Variants in DNAJC1 observed in about 807,000 individuals in gnomAD.
DNAJC1 encodes the protein DnaJ heat shock protein family (Hsp40) member C1, also known as dnaJ homolog subfamily C member 1.
A neutral mutation model predicts 76.6 loss-of-function variants in DNAJC1; 58 were observed. The observed-to-expected ratio is 0.76, with a 90% CI of 0.61 to 0.94. The LOEUF is 0.94. Among genes scored for constraint, DNAJC1 ranks in the 40% least tolerant of loss-of-function variants. The pLI is 0.00. For synonymous variants in DNAJC1, 258 were observed against 267.9 expected (o/e 0.96, Z 0.36); for missense variants, 689 against 677.3 (o/e 1.02, Z -0.19).
chr10:21,855,946 CAG>C (rs1366816242), intron 8 of DNAJC1, among the ~76,000 whole-genome samples: 31 of 152,098 alleles, frequency 2.0e-4, no homozygotes, highest in African/African-American at 7.5e-4. Flanking sequence ...ATAAGACAGA[CAG>C]AATAACCTGA....
Position 21,849,292 on chromosome 10 carries a change from C to CAAAAAAAAAAAAA in DNAJC1, c.978+32977_978+32989dup, listed in dbSNP as rs33953332. Among the ~76,000 whole-genome samples, 5 of 35,862 alleles carry CAAAAAAAAAAAAA rather than the reference C, an allele frequency of 1.4e-4. 1 individual carries two copies. Among genetic ancestry groups the CAAAAAAAAAAAAA allele is most frequent in the East Asian group, 8.3e-4 (1 of 1,200 alleles). The allele number at this position is 35,862 out of a possible 152,430, so 23.5% of individuals were successfully genotyped here. ...TGGGTGACAGAGTGGGACTCCGCCT[C>CAAAAAAAAAAAAA]AAAAAAAAAAAAAAAAAAAAAAAAA... is the stretch of plus-strand genomic sequence containing the variant. On this transcript the variant is annotated intron_variant, in intron 8 of 11. Transcript: ENST00000376980.
intron 7 of DNAJC1, among the ~76,000 whole-genome samples, chr10:21,889,893 C>A (rs1042457274): frequency 6.6e-6 from 1 of 152,208 alleles, no homozygotes; most frequent in African/African-American, 2.4e-5. Context: ...TCCCACCACC[C>A]AGCATAAGAG....
At chr10:21,964,879 G>A (rs1438364179) in intron 1 of DNAJC1, among the ~76,000 whole-genome samples, 1 of 151,946 alleles carries the variant, frequency 6.6e-6, no homozygotes, top group Non-Finnish European at 1.5e-5. Context: ...TGCTGCTATG[G>A]AAAAGTCATC....
chr10:21,838,473 A>T (rs967231902), intron 8 of DNAJC1, among the ~76,000 whole-genome samples: 7 of 152,144 alleles, frequency 4.6e-5, no homozygotes, highest in African/African-American at 1.4e-4. Context: ...GTACCCAGGG[A>T]CACAAACACT....
chr10:21,972,025 A>G (rs979136290), intron 1 of DNAJC1, among the ~76,000 whole-genome samples: 3 of 151,912 alleles, frequency 2.0e-5, no homozygotes, highest in African/African-American at 7.2e-5. Context: ...AAAATTAAAA[A>G]CTACATTCTA....
intron 1 of DNAJC1, among the ~76,000 whole-genome samples, chr10:21,975,857 G>A (rs2131832686): frequency 6.6e-6 from 1 of 152,234 alleles, no homozygotes; most frequent in Admixed American, 6.5e-5. Flanking sequence ...AACTACACAT[G>A]TCCTTCATTA....
At chr10:21,982,457 AT>A (rs1838172956) in intron 1 of DNAJC1, among the ~76,000 whole-genome samples, 2 of 152,216 alleles carry the variant, frequency 1.3e-5, no homozygotes, top group Non-Finnish European at 2.9e-5. Context: ...AAGAGAGTAA[AT>A]AAACAACCCA....
At chr10:21,940,803 C>T (rs1315761592) in intron 1 of DNAJC1, among the ~76,000 whole-genome samples, 1 of 151,994 alleles carries the variant, frequency 6.6e-6, no homozygotes, top group Non-Finnish European at 1.5e-5. Flanking sequence ...ACCAACTATC[C>T]ACAGAACAAA....
At chr10:21,871,291 G>A (rs568804822) in intron 8 of DNAJC1, among the ~76,000 whole-genome samples, 6 of 151,284 alleles carry the variant, frequency 4.0e-5, no homozygotes, top group Non-Finnish European at 5.9e-5. Flanking sequence ...GTTCTGAGAA[G>A]GCGCTAAGCT....
chr10:21,999,359 T>A (rs981752312), intron 1 of DNAJC1, among the ~76,000 whole-genome samples: 1 of 152,154 alleles, frequency 6.6e-6, no homozygotes, highest in African/African-American at 2.4e-5. Context: ...TTTTTTCACT[T>A]GACTGAAGAG....
chr10:21,826,741 C>A (rs919579940), intron 8 of DNAJC1, among the ~76,000 whole-genome samples: 3 of 152,158 alleles, frequency 2.0e-5, no homozygotes, highest in Admixed American at 6.5e-5. Flanking sequence ...TTTCCCACCA[C>A]CATTTGTGGA....
intron 7 of DNAJC1, among the ~76,000 whole-genome samples, chr10:21,886,531 A>C (rs1312254294): frequency 3.9e-5 from 6 of 152,090 alleles, no homozygotes; most frequent in Admixed American, 3.9e-4. Flanking sequence ...AACAACAAAA[A>C]AACTTCAGTT....
intron 1 of DNAJC1, among the ~76,000 whole-genome samples, chr10:21,941,095 C>CAAAAA (rs1208799870): frequency 1.0e-4 from 4 of 39,182 alleles, no homozygotes; most frequent in Admixed American, 3.0e-4. Context: ...ACTAAAAATA[C>CAAAAA]AAAAAAAAAA....
intron 3 of DNAJC1, among the ~76,000 whole-genome samples, chr10:21,923,736 G>A (rs1837075282): frequency 6.6e-6 from 1 of 151,604 alleles, no homozygotes; most frequent in African/African-American, 2.4e-5. Context: ...TATACATCAA[G>A]AACATAAAAT....
intron 3 of DNAJC1, among the ~76,000 whole-genome samples, chr10:21,927,418 A>AC (rs1241739604): frequency 6.6e-6 from 1 of 152,056 alleles, no homozygotes; most frequent in Non-Finnish European, 1.5e-5. Context: ...GAGATGTATT[A>AC]CCCCCCTAGT....
At chr10:21,979,052 G>T (rs1397689671) in intron 1 of DNAJC1, among the ~76,000 whole-genome samples, 2 of 151,220 alleles carry the variant, frequency 1.3e-5, no homozygotes, top group Non-Finnish European at 3.0e-5. Context: ...ATGTAAGTTC[G>T]ACTTGATTTT....
chr10:21,825,576 T>C (rs1347492069), intron 8 of DNAJC1, among the ~76,000 whole-genome samples: 1 of 152,226 alleles, frequency 6.6e-6, no homozygotes, highest in Non-Finnish European at 1.5e-5. Flanking sequence ...ATATGGTAAC[T>C]CTATGTTTAA....
At chr10:21,894,442 G>T (rs1267413840) in intron 7 of DNAJC1, among the ~76,000 whole-genome samples, 1 of 152,094 alleles carries the variant, frequency 6.6e-6, no homozygotes, top group African/African-American at 2.4e-5. Flanking sequence ...ATGGTGGCAG[G>T]CACCTGTAAT....
intron 1 of DNAJC1, among the ~76,000 whole-genome samples, chr10:21,936,830 A>C (rs1196854187): frequency 2.0e-5 from 3 of 152,214 alleles, no homozygotes; most frequent in Admixed American, 6.5e-5. Context: ...TAGAAAAAAA[A>C]CTGAATACAA....
Sources: allele counts gnomAD v4.1 joint callset (sites outside exome capture counted in the v4.1 genomes callset), GRCh38; gene constraint gnomAD v4.1.1; transcripts MANE v1.5; gene names NCBI Gene and HGNC (gene_info 2026-07-23, HGNC 2026-07-21).